SULT6B1: variants seen among roughly 807,000 people sequenced by gnomAD.
SULT6B1 encodes sulfotransferase 6B1.
Under a neutral mutation model 37.2 loss-of-function variants are expected in SULT6B1, and 44 were observed. The ratio of observed to expected loss-of-function variants is 1.18; its 90% CI spans 0.93 to 1.52. SULT6B1 has a LOEUF of 1.52. Ranked by LOEUF, SULT6B1 falls within the 40% of genes most tolerant of loss-of-function variation. The probability of loss-of-function intolerance (pLI) is 0.00; values close to 1 mark genes in which losing one functional copy is unlikely to be tolerated. For synonymous variants in SULT6B1, 140 were observed against 126.0 expected (o/e 1.11, Z -0.74); for missense variants, 450 against 361.0 (o/e 1.25, Z -2.00).
chr2:37,191,149 A>T (rs1290284960), upstream of SULT6B1: 2 of 151,424 alleles, frequency 1.3e-5, no homozygotes, highest in African/African-American at 4.9e-5. Flanking sequence ...AGGCAGAAAG[A>T]CACTTACAAT....
chr2:37,189,258 C>T (rs1676736444), upstream of SULT6B1, among the ~76,000 whole-genome samples: 1 of 152,160 alleles, frequency 6.6e-6, no homozygotes, highest in Non-Finnish European at 1.5e-5. Context: ...AAATTGTTAA[C>T]AGTGGAAATG....
Position 37,167,927 on chromosome 2 carries a change from G to T in SULT6B1, c.*8C>A. The stretch of plus-strand genomic sequence containing the variant: ...AAAATAAATCTAGGCCTGCTGAATT[G>T]ACTGGAATCAACCCTGGCAATATGA... On this transcript the variant is annotated 3_prime_UTR_variant, in exon 7 of 7. Transcript: ENST00000535679. 6.4e-7 allele frequency: 1 copy of T among 1,566,384 alleles called. No individual in the cohort carries two copies. Among genetic ancestry groups the T allele is most frequent in the Non-Finnish European group, 8.6e-7 (1 of 1,165,908 alleles).
At chr2:37,172,626 G>A (rs865919221) in intron 5 of SULT6B1, among the ~76,000 whole-genome samples, 1 of 151,832 alleles carries the variant, frequency 6.6e-6, no homozygotes, top group African/African-American at 2.4e-5. Flanking sequence ...TCCTGCCTCA[G>A]CCTCCTGAGT....
At chr2:37,171,340 C>G (rs1676292739) in intron 6 of SULT6B1, 94 bp downstream of exon 6, 6 of 1,451,714 alleles carry the variant, frequency 4.1e-6, no homozygotes, top group Non-Finnish European at 5.6e-6. Flanking sequence ...AAAATAAAAC[C>G]CTATCTGACT....
At position 37,194,167 on chromosome 2, in the gene SULT6B1, ACTGT is replaced by A. The variant is rs934464433; in HGVS notation, c.-22+2345_-22+2348del. Among the ~76,000 whole-genome samples, 6 of 150,710 alleles carry A rather than the reference ACTGT, an allele frequency of 4.0e-5. No individual in the cohort carries two copies. The South Asian group carries it at 1.0e-3, about 26-fold the overall frequency. On this transcript the variant is annotated intron_variant, in intron 1 of 7. Coordinates refer to the SULT6B1 transcript ENST00000407963. Reference sequence around the variant, plus strand: ...CAGTGGTTAGTTCTCATCCACATTGACTGTCTGTAGATTTTTTTTTTTTCGAGAC... The same window carrying A: ...CAGTGGTTAGTTCTCATCCACATTGACTGTAGATTTTTTTTTTTTCGAGAC...
At chr2:37,181,689 C>T (rs773706132) in intron 3 of SULT6B1, among the ~76,000 whole-genome samples, 4 of 152,050 alleles carry the variant, frequency 2.6e-5, no homozygotes, top group Non-Finnish European at 4.4e-5. Flanking sequence ...GCCCCTGTTG[C>T]TCTTTTCTTG....
chr2:37,188,636 G>C lies in SULT6B1; in HGVS notation c.5C>G (p.Ala2Gly). Residue 2 changes from alanine to glycine, a missense_variant, in exon 1 of 7, where the codon GCT becomes GGT. Ala to Gly is a moderately conservative substitution (Grantham distance 60, BLOSUM62 0). Coordinates refer to ENST00000535679, the MANE Select transcript of SULT6B1 (RefSeq NM_001367551.1). ...GTATTCAATAAATTTGGATTTATCA[G>C]CCATGGTGGCTCCCTGTAAAAGAAC... M[A>G]DKSKFIEYID... The C allele has an allele frequency of 8.6e-7, 1 of 1,160,742 alleles. No individual in the cohort carries two copies. Among genetic ancestry groups the C allele is most frequent in the Non-Finnish European group, 1.3e-6 (1 of 782,114 alleles). The allele number at this position is 1,160,742 out of a possible 1,614,324, so 71.9% of individuals were successfully genotyped here.
Position 37,175,134 on chromosome 2 carries a change from C to G in SULT6B1, c.622G>C (p.Glu208Gln), listed in dbSNP as rs374978930. ...VKFILYEDLK[E>Q]NLAAGIKQIA... is the part of the protein sequence containing the mutation. ...TAAAATATCAATAATAATCTCACCTCTTTCAGGTCTTCATATAATATGAAC... is the reference window on the plus strand; with the variant it reads ...TAAAATATCAATAATAATCTCACCTGTTTCAGGTCTTCATATAATATGAAC... The change falls in exon 5 of 7, where the codon GAG becomes CAG. Residue 208 changes from glutamate (E) to glutamine (Q), a missense_variant and splice_region_variant. Glu to Gln is a conservative substitution (Grantham distance 29, BLOSUM62 2). Coordinates refer to ENST00000535679, the MANE Select transcript of SULT6B1 (RefSeq NM_001367551.1). The G allele has an allele frequency of 2.5e-5, 38 of 1,539,240 alleles. No homozygotes were observed. The highest frequency in any genetic ancestry group is 3.3e-5 in the Non-Finnish European group (38 of 1,138,870).
At chr2:37,171,064 C>T (rs1213300425) in intron 6 of SULT6B1, among the ~76,000 whole-genome samples, 1 of 152,170 alleles carries the variant, frequency 6.6e-6, no homozygotes, top group Non-Finnish European at 1.5e-5. Flanking sequence ...TGGTAAAACC[C>T]TGCCTTTACT....
chr2:37,193,646 A>AAGAAGAAGAAGG (rs1558454991), upstream of SULT6B1, among the ~76,000 whole-genome samples: 3 of 141,908 alleles, frequency 2.1e-5, no homozygotes, highest in Admixed American at 7.1e-5. Flanking sequence ...GAAGAAGAAG[A>AAGAAGAAGAAGG]AGAAGGAGAA....
intron 2 of SULT6B1, among the ~76,000 whole-genome samples, chr2:37,185,431 T>C (rs1676649274): frequency 1.3e-5 from 2 of 152,040 alleles, no homozygotes; most frequent in South Asian, 2.1e-4. Flanking sequence ...TTAAAGGGCA[T>C]ATTGGCCAGG....
At position 37,171,339 on chromosome 2, in the gene SULT6B1, C is replaced by T. The variant is rs562973819; in HGVS notation, c.781+95G>A. 1.2e-5 allele frequency: 18 copies of T among 1,447,610 alleles called. No homozygotes were observed. In the Admixed American group the frequency reaches 1.5e-4, roughly 12 times the overall value. 89.7% of individuals were successfully genotyped at this position (1,447,610 alleles called of 1,614,324 possible). A position where few individuals can be genotyped will look rare whatever the true frequency, so the allele number is the denominator to read the frequency against. On this transcript the variant is annotated intron_variant, in intron 6 of 6. Transcript: ENST00000535679. ...CTTACTGAGGCGGAGAAAAATAAAA[C>T]CCTATCTGACTTAAGATGAAGTTAT...
In SULT6B1 at chr2:37,188,476, A is replaced by G. The variant is rs1373785721; in HGVS notation, c.165T>C (p.His55=). ...GATAAGATGCTAGCACGATGTCATC[A>G]TGTCTGGCTTCGAAGGTGTCCAGCG... ...FQALDTFEAR[H]DDIVLASYPK... is the part of the protein sequence containing the mutation. The change falls in exon 1 of 7, where the codon CAT becomes CAC. Residue 55 remains histidine, a synonymous_variant. Coordinates refer to ENST00000535679, the MANE Select transcript of SULT6B1 (RefSeq NM_001367551.1). 4 of 1,614,000 alleles carry G rather than the reference A, an allele frequency of 2.5e-6. No individual in the cohort carries two copies. Among genetic ancestry groups the G allele is most frequent in the Non-Finnish European group, 3.4e-6 (4 of 1,179,992 alleles).
intron 3 of SULT6B1, among the ~76,000 whole-genome samples, chr2:37,182,872 A>G (rs189957228): frequency 4.6e-5 from 7 of 152,342 alleles, no homozygotes; most frequent in Admixed American, 1.3e-4. Context: ...TTGTTACTAC[A>G]TGTGAAATTC....
intron 6 of SULT6B1, among the ~76,000 whole-genome samples, 166 bp downstream of exon 6, chr2:37,171,268 G>C (rs1490396450): frequency 6.6e-6 from 1 of 152,028 alleles, no homozygotes; most frequent in African/African-American, 2.4e-5. Flanking sequence ...AAAAAAGATG[G>C]TATGGGGCTG....
At chr2:37,193,132 C>T (rs1384725674), upstream of SULT6B1, among the ~76,000 whole-genome samples, 1 of 152,012 alleles carries the variant, frequency 6.6e-6, no homozygotes, top group Non-Finnish European at 1.5e-5. Context: ...GGCTCAAGCC[C>T]CAGAGGCAGC....
At chr2:37,177,357 G>T (rs1378764433) in intron 4 of SULT6B1, among the ~76,000 whole-genome samples, 2 of 143,276 alleles carry the variant, frequency 1.4e-5, no homozygotes, top group Non-Finnish European at 3.0e-5. Flanking sequence ...GGTCAAGGCT[G>T]CAGTGAGCCT....
intron 1 of SULT6B1, chr2:37,194,367 A>G: frequency 2.8e-6 from 1 of 355,544 alleles, no homozygotes; most frequent in Non-Finnish European, 5.4e-6. Context: ...GGCATGAGCC[A>G]CCGTGCCTGG....
At position 37,179,689 on chromosome 2, in the gene SULT6B1, G is replaced by A. The variant is rs11569749; in HGVS notation, c.403-105C>T. On this transcript the variant is annotated intron_variant, in intron 3 of 6. Transcript: ENST00000535679. Reference sequence around the variant, plus strand: ...ATGTCCACTCGTATATTACATAATTGTGTTAATATATAGAGAAAGAATGAC... The same window carrying A: ...ATGTCCACTCGTATATTACATAATTATGTTAATATATAGAGAAAGAATGAC... The A allele has an allele frequency of 2.5e-3, 2,532 of 1,004,866 alleles. 15 individuals are homozygous for A. The highest frequency in any genetic ancestry group is 0.021 in the African/African-American group (1,284 of 61,812). 62.2% of individuals were successfully genotyped at this position (1,004,866 alleles called of 1,614,324 possible). A position where few individuals can be genotyped will look rare whatever the true frequency, so the allele number is the denominator to read the frequency against.
Sources: gnomAD v4.1 joint callset for allele counts (sites outside exome capture counted in the v4.1 genomes callset) on GRCh38, gnomAD v4.1.1 for gene constraint, MANE v1.5 for transcripts, NCBI Gene and HGNC (gene_info 2026-07-23, HGNC 2026-07-21) for gene names.